SAMD12: variants seen among roughly 807,000 people sequenced by gnomAD.
The protein encoded by SAMD12 is sterile alpha motif domain containing 12, also known as sterile alpha motif domain-containing protein 12.
SAMD12 carries 9 observed loss-of-function variants against 15.0 expected under a neutral mutation model. The observed-to-expected ratio is 0.60, with a 90% CI of 0.36 to 1.05. The LOEUF (loss-of-function observed/expected upper bound fraction) is 1.05, where lower values mean the gene tolerates loss of function less well. SAMD12 is among the 50% of genes least tolerant of loss of function. The pLI, the probability that SAMD12 is intolerant of heterozygous loss-of-function variation, is 0.01. For missense variants in SAMD12, 230 were observed against 234.2 expected, an observed-to-expected ratio of 0.98 and a Z score of 0.12; for synonymous variants, 86 against 90.1, an observed-to-expected ratio of 0.96 and a Z score of 0.25.
rs186459732 is a variant in SAMD12 at position 118,570,464 on chromosome 8, G to C, written c.192+10251C>G. Among the ~76,000 whole-genome samples the C allele has an allele frequency of 3.9e-5, 6 of 152,174 alleles. No individual in the cohort carries two copies. In the East Asian group the frequency reaches 1.2e-3, roughly 29 times the overall value. On this transcript the variant is annotated intron_variant, in intron 2 of 3. Coordinates refer to ENST00000314727, the MANE Select transcript of SAMD12 (RefSeq NM_207506.3). Reference sequence around the variant, plus strand: ...TTATAAGTGAGAACATGTTGTATTTGGTTTTCTGTTCCTGTGTTAATTTAC... The same window carrying C: ...TTATAAGTGAGAACATGTTGTATTTCGTTTTCTGTTCCTGTGTTAATTTAC...
chr8:118,406,493 C>T (rs1586676769), intron 3 of SAMD12, among the ~76,000 whole-genome samples: 1 of 151,946 alleles, frequency 6.6e-6, no homozygotes, highest in South Asian at 2.1e-4. Context: ...AGGCTAGTCT[C>T]GAACACCTGA....
At chr8:118,227,599 C>G (rs1370026361) in intron 4 of SAMD12, among the ~76,000 whole-genome samples, 1 of 152,164 alleles carries the variant, frequency 6.6e-6, no homozygotes, top group Non-Finnish European at 1.5e-5. Flanking sequence ...AGTCACTTTC[C>G]TCATTGCTTA....
the SAMD12 span, among the ~76,000 whole-genome samples, chr8:118,167,503 CA>C: frequency 1.3e-5 from 2 of 152,042 alleles, no homozygotes; most frequent in African/African-American, 4.8e-5. Flanking sequence ...TATTGGAACA[CA>C]GACAAAAACA....
intron 2 of SAMD12, among the ~76,000 whole-genome samples, chr8:118,552,615 T>G (rs988445212): frequency 1.9e-4 from 29 of 152,210 alleles, no homozygotes; most frequent in Non-Finnish European, 3.2e-4. Context: ...CTTTGAAAAC[T>G]GGCACAAGAC....
intron 2 of SAMD12, among the ~76,000 whole-genome samples, chr8:118,540,318 A>G (rs993960176): frequency 6.6e-5 from 10 of 152,174 alleles, no homozygotes; most frequent in African/African-American, 2.4e-4. Flanking sequence ...TGTCATTAGT[A>G]ATTTTTTAAT....
intron 4 of SAMD12, among the ~76,000 whole-genome samples, chr8:118,285,943 A>G (rs1407906586): frequency 6.6e-6 from 1 of 152,094 alleles, no homozygotes; most frequent in Non-Finnish European, 1.5e-5. Context: ...GAACATATAT[A>G]TAAGAAAATG....
the SAMD12 span, among the ~76,000 whole-genome samples, chr8:118,173,888 C>T: frequency 7.9e-5 from 12 of 151,990 alleles, no homozygotes; most frequent in Non-Finnish European, 1.5e-4. Flanking sequence ...CCTTGGCCTC[C>T]CAAAGTGCTG....
chr8:118,553,988 A>G (rs1826436645), intron 2 of SAMD12, among the ~76,000 whole-genome samples: 1 of 152,174 alleles, frequency 6.6e-6, no homozygotes. Flanking sequence ...GTGAGATATC[A>G]TCTCACACCA....
rs1318754134 is a variant in SAMD12, at chr8:118,463,095, C to T, written c.193-23134G>A. ...CAGCCTGGGCGACAGAGCGAAACTC[C>T]GTCTCAAAAAAAAAAAAAAAAAAAA... On this transcript the variant is annotated intron_variant, in intron 2 of 3. Coordinates refer to ENST00000314727, the MANE Select transcript of SAMD12 (RefSeq NM_207506.3). Among the ~76,000 whole-genome samples, 6 of 103,306 alleles carry T rather than the reference C, an allele frequency of 5.8e-5. No homozygotes were observed. In the Admixed American group the frequency reaches 6.1e-4, roughly 10 times the overall value. 67.8% of individuals were successfully genotyped at this position (103,306 alleles called of 152,430 possible). A position where few individuals can be genotyped will look rare whatever the true frequency, so the allele number is the denominator to read the frequency against.
the SAMD12 span, among the ~76,000 whole-genome samples, chr8:118,163,815 C>T: frequency 6.6e-6 from 1 of 152,034 alleles, no homozygotes; most frequent in Non-Finnish European, 1.5e-5. Flanking sequence ...GCAGAGCTTG[C>T]AGTGAGCCGA....
chr8:118,301,400 T>C (rs1441201915), intron 4 of SAMD12, among the ~76,000 whole-genome samples: 1 of 152,186 alleles, frequency 6.6e-6, no homozygotes, highest in Non-Finnish European at 1.5e-5. Flanking sequence ...AAATGCTCAC[T>C]GAGGGTGGGC....
At chr8:118,439,764 T>A in intron 3 of SAMD12, 68 bp downstream of exon 3, 1 of 1,481,392 alleles carries the variant, frequency 6.8e-7, no homozygotes, top group Non-Finnish European at 9.4e-7. Flanking sequence ...ATGGTAAGGG[T>A]ATGGGAAAGG....
At chr8:118,285,317 T>G (rs767485234) in intron 4 of SAMD12, among the ~76,000 whole-genome samples, 1 of 152,200 alleles carries the variant, frequency 6.6e-6, no homozygotes, top group African/African-American at 2.4e-5. Flanking sequence ...ATAGTCCCTA[T>G]GTTATAGTGA....
chr8:118,191,270 G>T (rs1321296999), exon 5 of SAMD12: 1 of 152,084 alleles, frequency 6.6e-6, no homozygotes, highest in Admixed American at 6.6e-5. Context: ...ACATGGCCTT[G>T]TAAGGACAAC....
intron 2 of SAMD12, among the ~76,000 whole-genome samples, chr8:118,506,068 G>A (rs745819917): frequency 2.8e-4 from 43 of 152,024 alleles, no homozygotes; most frequent in Non-Finnish European, 5.9e-4. Flanking sequence ...CATACCTGCA[G>A]TCACATTCAT....
intron 4 of SAMD12, among the ~76,000 whole-genome samples, chr8:118,201,192 T>C (rs1244758924): frequency 6.6e-6 from 1 of 152,220 alleles, no homozygotes; most frequent in Non-Finnish European, 1.5e-5. Flanking sequence ...GTCTTTGATA[T>C]ACAACGCTCT....
At chr8:118,439,644 A>C (rs1563860927) in intron 3 of SAMD12, among the ~76,000 whole-genome samples, 188 bp downstream of exon 3, 1 of 152,112 alleles carries the variant, frequency 6.6e-6, no homozygotes, top group Non-Finnish European at 1.5e-5. Context: ...ACAGTTTTCT[A>C]TAATAACCAT....
At chr8:118,290,516 C>T (rs2130245759) in intron 4 of SAMD12, among the ~76,000 whole-genome samples, 1 of 152,208 alleles carries the variant, frequency 6.6e-6, no homozygotes, top group South Asian at 2.1e-4. Flanking sequence ...TTAGAAAAAG[C>T]CAAGAAATCA....
intron 2 of SAMD12, among the ~76,000 whole-genome samples, chr8:118,520,671 TG>T (rs1451175625): frequency 6.6e-6 from 1 of 152,192 alleles, no homozygotes; most frequent in African/African-American, 2.4e-5. Context: ...AGGTGGCTTA[TG>T]TTTCTCTTCT....
Sources: allele counts gnomAD v4.1 joint callset (sites outside exome capture counted in the v4.1 genomes callset), GRCh38; gene constraint gnomAD v4.1.1; transcripts MANE v1.5; gene names NCBI Gene and HGNC (gene_info 2026-07-23, HGNC 2026-07-21).